ST6GAL1: variants seen among roughly 807,000 people sequenced by gnomAD.
ST6GAL1 encodes beta-galactoside alpha-2,6-sialyltransferase 1.
ST6GAL1 carries 20 observed loss-of-function variants against 38.0 expected under a neutral mutation model. That is an observed-to-expected ratio of 0.53 (90% CI 0.37 to 0.77). The LOEUF is 0.77. Ranked by LOEUF, ST6GAL1 falls within the 30% of genes least tolerant of loss-of-function variation. The pLI is 0.00. For missense variants in ST6GAL1, 432 were observed against 496.4 expected (o/e 0.87, Z 1.23); for synonymous variants, 196 against 188.2 (o/e 1.04, Z -0.34).
At chr3:187,032,969 C>T (rs1328633905) in intron 2 of ST6GAL1, among the ~76,000 whole-genome samples, 1 of 152,124 alleles carries the variant, frequency 6.6e-6, no homozygotes, top group Admixed American at 6.5e-5. Context: ...CATATGGCTT[C>T]CTCTTAGTTC....
At chr3:186,996,898 T>C in intron 2 of ST6GAL1, among the ~76,000 whole-genome samples, 1 of 151,786 alleles carries the variant, frequency 6.6e-6, no homozygotes, top group East Asian at 1.9e-4. Context: ...TATCCTGCAC[T>C]TTCCACCTTG....
intron 1 of ST6GAL1, among the ~76,000 whole-genome samples, chr3:186,941,071 T>C (rs1317307887): frequency 6.6e-6 from 1 of 152,294 alleles, no homozygotes; most frequent in Non-Finnish European, 1.5e-5. Context: ...GCTGTTTGCA[T>C]GGAAGGTTAT....
At chr3:186,935,371 G>GTA (rs34815046) in intron 1 of ST6GAL1, among the ~76,000 whole-genome samples, 1,794 of 151,604 alleles carry the variant, frequency 0.012, 20 homozygotes, top group African/African-American at 0.036. Context: ...GTATTCCATA[G>GTA]TATATATATA....
intron 2 of ST6GAL1, among the ~76,000 whole-genome samples, chr3:187,018,919 C>T (rs545045945): frequency 1.6e-4 from 24 of 152,270 alleles, no homozygotes; most frequent in South Asian, 6.2e-4. Context: ...TTGAGTATCT[C>T]GAAAAGCCAG....
At chr3:187,002,097 G>A (rs1579312612) in intron 2 of ST6GAL1, among the ~76,000 whole-genome samples, 2 of 151,964 alleles carry the variant, frequency 1.3e-5, no homozygotes, top group East Asian at 1.9e-4. Flanking sequence ...CTGTTATGGT[G>A]TATTTTTAAG....
At chr3:187,021,571 C>T (rs1251598584) in intron 2 of ST6GAL1, among the ~76,000 whole-genome samples, 3 of 151,752 alleles carry the variant, frequency 2.0e-5, no homozygotes, top group Non-Finnish European at 1.5e-5. Flanking sequence ...GAAACCCCGT[C>T]TCTACTAAAA....
At chr3:186,934,824 T>A (rs529421326) in intron 1 of ST6GAL1, among the ~76,000 whole-genome samples, 3 of 151,758 alleles carry the variant, frequency 2.0e-5, no homozygotes, top group African/African-American at 7.3e-5. Flanking sequence ...TGGAGTGCAG[T>A]GGTGCAATCT....
intron 7 of ST6GAL1, among the ~76,000 whole-genome samples, chr3:187,074,666 C>T (rs1719501537): frequency 6.6e-6 from 1 of 151,678 alleles, no homozygotes; most frequent in Non-Finnish European, 1.5e-5. Context: ...AAGTAGTGTT[C>T]GGTAGGCTTT....
At chr3:186,967,953 T>G (rs1715206168) in intron 2 of ST6GAL1, among the ~76,000 whole-genome samples, 1 of 152,194 alleles carries the variant, frequency 6.6e-6, no homozygotes, top group Non-Finnish European at 1.5e-5. Flanking sequence ...CTTTGGCTGT[T>G]GGAGGTATTT....
intron 1 of ST6GAL1, among the ~76,000 whole-genome samples, chr3:186,940,917 T>C (rs1714146249): frequency 6.6e-6 from 1 of 152,062 alleles, no homozygotes; most frequent in Non-Finnish European, 1.5e-5. Context: ...CTCAAACATA[T>C]GGAGAGATGG....
intron 2 of ST6GAL1, among the ~76,000 whole-genome samples, chr3:187,017,883 G>C (rs938385370): frequency 5.2e-4 from 79 of 152,240 alleles, no homozygotes; most frequent in African/African-American, 1.8e-3. Flanking sequence ...TAAAGACAGA[G>C]TTAAAGTGGA....
At chr3:186,960,198 C>A (rs1484828660) in intron 1 of ST6GAL1, among the ~76,000 whole-genome samples, 1 of 152,170 alleles carries the variant, frequency 6.6e-6, no homozygotes, top group Non-Finnish European at 1.5e-5. Flanking sequence ...GGAGTCACTG[C>A]GCCCAAGGCA....
chr3:186,949,130 C>T lies in ST6GAL1; in HGVS notation c.-324-14655C>T, dbSNP rs563962383. On this transcript the variant is annotated intron_variant, in intron 1 of 7. Transcript: ENST00000169298. ...GCCTTGGAAATAAAAGCCAAGCAGG[C>T]GGGTGAAAGAGGGAAAATTCTCTGG... Among the ~76,000 whole-genome samples the T allele has an allele frequency of 4.6e-5, 7 of 152,256 alleles. No individual in the cohort carries two copies. In the South Asian group the frequency reaches 8.3e-4, roughly 18 times the overall value.
chr3:186,946,004 A>AG (rs1714350004), intron 1 of ST6GAL1, among the ~76,000 whole-genome samples: 1 of 148,130 alleles, frequency 6.8e-6, no homozygotes, highest in Non-Finnish European at 1.5e-5. Context: ...AAAAAAAAAA[A>AG]AAAAGAAGGG....
chr3:186,936,679 G>A (rs1386064686), intron 1 of ST6GAL1, among the ~76,000 whole-genome samples: 1 of 152,112 alleles, frequency 6.6e-6, no homozygotes, highest in Admixed American at 6.5e-5. Context: ...AGCGGCTCAT[G>A]CCTGTAATTT....
At chr3:187,053,657 T>C (rs1718590084) in intron 5 of ST6GAL1, among the ~76,000 whole-genome samples, 1 of 152,238 alleles carries the variant, frequency 6.6e-6, no homozygotes, top group South Asian at 2.1e-4. Context: ...TATTCGTCTA[T>C]ATATCTGTTT....
intron 2 of ST6GAL1, among the ~76,000 whole-genome samples, chr3:186,989,235 G>GA (rs1370193824): frequency 6.6e-6 from 1 of 152,118 alleles, no homozygotes; most frequent in Non-Finnish European, 1.5e-5. Context: ...TATTTAGCTT[G>GA]AAAAAGAGAA....
intron 2 of ST6GAL1, chr3:187,024,988 C>CGCGTGTGT (rs1553827908): frequency 2.5e-4 from 36 of 145,594 alleles, no homozygotes; most frequent in African/African-American, 7.3e-4. Context: ...GAACCTGGTG[C>CGCGTGTGT]GTGTGTGTGT....
intron 2 of ST6GAL1, among the ~76,000 whole-genome samples, chr3:187,012,734 T>G (rs4396886): frequency 6.6e-6 from 1 of 152,106 alleles, no homozygotes; most frequent in East Asian, 1.9e-4. Flanking sequence ...CCAGCCTGCC[T>G]GTGATTTCTC....
Sources: gnomAD v4.1 joint callset for allele counts (sites outside exome capture counted in the v4.1 genomes callset) on GRCh38, gnomAD v4.1.1 for gene constraint, MANE v1.5 for transcripts, NCBI Gene and HGNC (gene_info 2026-07-23, HGNC 2026-07-21) for gene names.